The following NTN1 variants were observed in gnomAD, a reference collection of about 807,000 sequenced individuals.
The protein encoded by NTN1 is netrin-1.
In NTN1, 11 loss-of-function variants were observed where a neutral mutation model predicts 54.2. The ratio of observed to expected loss-of-function variants is 0.20; its 90% confidence interval spans 0.13 to 0.34. NTN1 has a LOEUF of 0.34. Among genes scored for constraint, NTN1 ranks in the 10% least tolerant of loss-of-function variants. The pLI, the probability that NTN1 is intolerant of heterozygous loss-of-function variation, is 1.00. For synonymous variants in NTN1, 371 were observed against 382.0 expected (o/e 0.97, Z 0.33); for missense variants, 740 against 893.1 (o/e 0.83, Z 2.18).
intron 2 of NTN1, among the ~76,000 whole-genome samples, chr17:9,065,774 G>A (rs1456277773): frequency 1.3e-5 from 2 of 152,228 alleles, no homozygotes; most frequent in African/African-American, 2.4e-5. Flanking sequence ...ATGCTCAAGT[G>A]TTAGGGAAGT....
At position 9,097,822 on chromosome 17, in the gene NTN1, T is replaced by C. The variant is rs552401443; in HGVS notation, c.1019-64991T>C. ...ATTCCTTAGTATGCCATTGAATGCATATAACGTAATTTATTGAAACAGTCC... is the reference window on the plus strand; with the variant it reads ...ATTCCTTAGTATGCCATTGAATGCACATAACGTAATTTATTGAAACAGTCC... On this transcript the variant is annotated intron_variant, in intron 2 of 6. Coordinates refer to ENST00000173229, the MANE Select transcript of NTN1 (RefSeq NM_004822.3). 1.7e-4 allele frequency among the ~76,000 whole-genome samples: 26 copies of C among 152,222 alleles called. No individual in the cohort carries two copies. The East Asian group carries it at 3.9e-3, about 23-fold the overall frequency.
At chr17:9,038,265 C>CTCACACACACACACA (rs55982115) in intron 2 of NTN1, among the ~76,000 whole-genome samples, 7 of 144,176 alleles carry the variant, frequency 4.9e-5, no homozygotes, top group South Asian at 2.2e-4. Context: ...TTCTCTCTCT[C>CTCACACACACACACA]CACACACACA....
intron 2 of NTN1, among the ~76,000 whole-genome samples, chr17:9,054,858 C>T (rs1342238546): frequency 6.6e-6 from 1 of 151,838 alleles, no homozygotes; most frequent in African/African-American, 2.4e-5. Context: ...CTAAATGGAG[C>T]ATTTCTGTCG....
chr17:9,047,152 G>T (rs940750931), intron 2 of NTN1, among the ~76,000 whole-genome samples: 27 of 152,288 alleles, frequency 1.8e-4, no homozygotes, highest in African/African-American at 6.0e-4. Context: ...GCTTTTCCTC[G>T]CTGTTGATGG....
intron 5 of NTN1, among the ~76,000 whole-genome samples, chr17:9,220,168 G>A (rs118081951): frequency 1.2e-4 from 18 of 152,260 alleles, no homozygotes; most frequent in African/African-American, 4.3e-4. Flanking sequence ...AGCCTTGGCA[G>A]TAGCTACCCA....
intron 2 of NTN1, among the ~76,000 whole-genome samples, chr17:9,123,416 T>C (rs1447216429): frequency 6.6e-6 from 1 of 152,222 alleles, no homozygotes; most frequent in East Asian, 1.9e-4. Context: ...GTCCTACAGG[T>C]ATTTCTCCCA....
Position 9,201,853 on chromosome 17 carries a change from C to T in NTN1, c.1411+18884C>T, listed in dbSNP as rs1041086290. ...AATATGGAGCAGCAGTTAGAAATCC[C>T]GTGTCTGGGGAGTTCTTGGAGGGAG... is the stretch of plus-strand genomic sequence containing the variant. On this transcript the variant is annotated intron_variant, in intron 5 of 6. Coordinates refer to ENST00000173229, the MANE Select transcript of NTN1 (RefSeq NM_004822.3). Among the ~76,000 whole-genome samples, 18 of 151,684 alleles carry T rather than the reference C, an allele frequency of 1.2e-4. No individual in the cohort carries two copies. In the East Asian group the frequency reaches 1.5e-3, roughly 13 times the overall value.
At chr17:9,144,490 G>T (rs571299751) in intron 2 of NTN1, among the ~76,000 whole-genome samples, 67 of 152,288 alleles carry the variant, frequency 4.4e-4, no homozygotes, top group Non-Finnish European at 8.4e-4. Context: ...TCCTGCATCG[G>T]CTCTTGACTC....
rs183890444 is a variant in NTN1, at chr17:9,194,466, A to T, written c.1411+11497A>T. On this transcript the variant is annotated intron_variant, in intron 5 of 6. Transcript: ENST00000173229. ...GAGTGGTGGGGTCAGAGGGTGTGGA[A>T]ACGGAAAGACATTCAGCAGTTATTT... 7.8e-3 allele frequency among the ~76,000 whole-genome samples: 1,186 copies of T among 152,278 alleles called. 12 individuals are homozygous for T. The highest frequency in any genetic ancestry group is 8.6e-3 in the Non-Finnish European group (586 of 68,016).
intron 2 of NTN1, among the ~76,000 whole-genome samples, chr17:9,059,241 T>TA (rs781329914): frequency 2.6e-5 from 4 of 152,140 alleles, no homozygotes; most frequent in Non-Finnish European, 4.4e-5. Context: ...TGGAGGAACT[T>TA]ACGCAAATCC....
chr17:9,026,367 T>G (rs957944822), intron 2 of NTN1, among the ~76,000 whole-genome samples: 5 of 142,074 alleles, frequency 3.5e-5, no homozygotes, highest in Non-Finnish European at 7.6e-5. Flanking sequence ...CAGTTATACT[T>G]TAAATGCAGT....
At chr17:9,031,217 C>T (rs1003173835) in intron 2 of NTN1, among the ~76,000 whole-genome samples, 3 of 152,124 alleles carry the variant, frequency 2.0e-5, no homozygotes, top group African/African-American at 7.2e-5. Flanking sequence ...TGAGGTAGAT[C>T]TCTGAGTTTC....
At chr17:9,075,942 C>T (rs751849532) in intron 2 of NTN1, among the ~76,000 whole-genome samples, 7 of 152,244 alleles carry the variant, frequency 4.6e-5, no homozygotes, top group African/African-American at 1.2e-4. Flanking sequence ...CCTGGGTTGA[C>T]GTTAGGGAGG....
intron 3 of NTN1, among the ~76,000 whole-genome samples, chr17:9,167,991 A>G (rs570370921): frequency 6.6e-6 from 1 of 152,122 alleles, no homozygotes; most frequent in Non-Finnish European, 1.5e-5. Flanking sequence ...ATGGGTCCAG[A>G]TGCGATCTGG....
At chr17:9,046,211 C>G (rs902462778) in intron 2 of NTN1, among the ~76,000 whole-genome samples, 48 of 152,028 alleles carry the variant, frequency 3.2e-4, no homozygotes, top group African/African-American at 1.2e-3. Flanking sequence ...AAAAGACAAC[C>G]CAGTTTAGAA....
At chr17:9,170,814 C>A (rs146238768) in intron 3 of NTN1, among the ~76,000 whole-genome samples, 197 of 152,166 alleles carry the variant, frequency 1.3e-3, no homozygotes, top group African/African-American at 4.6e-3. Context: ...GGTTCCTGCT[C>A]CTGCCCCACT....
chr17:9,194,776 A>G (rs1904577504), intron 5 of NTN1, among the ~76,000 whole-genome samples: 1 of 152,156 alleles, frequency 6.6e-6, no homozygotes, highest in African/African-American at 2.4e-5. Context: ...AGCCCAAGCC[A>G]AGGGGCCGTG....
intron 2 of NTN1, among the ~76,000 whole-genome samples, chr17:9,038,846 G>A (rs1196178851): frequency 6.6e-6 from 1 of 152,002 alleles, no homozygotes; most frequent in African/African-American, 2.4e-5. Context: ...GCTTGCAGTG[G>A]TAGGGGTTCT....
intron 2 of NTN1, among the ~76,000 whole-genome samples, chr17:9,050,834 A>C (rs945553167): frequency 7.2e-5 from 11 of 152,192 alleles, no homozygotes; most frequent in Admixed American, 7.2e-4. Flanking sequence ...GTGAGATGCT[A>C]AGTGCAGTGC....
Sources: gnomAD v4.1 joint callset for allele counts (sites outside exome capture counted in the v4.1 genomes callset) on GRCh38, gnomAD v4.1.1 for gene constraint, MANE v1.5 for transcripts, NCBI Gene and HGNC (gene_info 2026-07-23, HGNC 2026-07-21) for gene names.